The following CTNNA2 variants were observed in gnomAD, a reference collection of about 807,000 sequenced individuals.
CTNNA2 encodes the protein catenin alpha-2.
CTNNA2 carries 42 observed loss-of-function variants against 101.0 expected under a neutral mutation model. The observed-to-expected ratio is 0.42, with a 90% CI of 0.32 to 0.54. CTNNA2 has a LOEUF of 0.54. CTNNA2 is among the 20% of genes least tolerant of loss of function. The pLI is 0.14. For synonymous variants in CTNNA2, 450 were observed against 456.4 expected (o/e 0.99, Z 0.18); for missense variants, 871 against 1,223.1 (o/e 0.71, Z 4.29).
chr2:79,445,928 A>AT (rs988156750), intron 4 of CTNNA2, among the ~76,000 whole-genome samples: 33 of 152,132 alleles, frequency 2.2e-4, no homozygotes, highest in Non-Finnish European at 3.7e-4. Flanking sequence ...TTTTCAAATA[A>AT]TTTTTTATTT....
chr2:80,274,311 G>T (rs555471095), intron 7 of CTNNA2, among the ~76,000 whole-genome samples: 1 of 152,136 alleles, frequency 6.6e-6, no homozygotes, highest in African/African-American at 2.4e-5. Flanking sequence ...GACTCTAGAA[G>T]TATTTGTTTA....
At chr2:80,181,810 A>G (rs929849679) in intron 7 of CTNNA2, among the ~76,000 whole-genome samples, 9 of 152,206 alleles carry the variant, frequency 5.9e-5, no homozygotes, top group Non-Finnish European at 1.2e-4. Flanking sequence ...TTTATTTTGC[A>G]TAACTGTCTA....
intron 9 of CTNNA2, among the ~76,000 whole-genome samples, chr2:80,528,185 TTTG>T (rs1282397446): frequency 5.3e-5 from 8 of 152,098 alleles, no homozygotes; most frequent in Non-Finnish European, 1.0e-4. Context: ...TAGCTGTATT[TTTG>T]TTGTTGTTGT....
chr2:80,523,999 G>A (rs1422666268), intron 9 of CTNNA2, among the ~76,000 whole-genome samples: 1 of 152,138 alleles, frequency 6.6e-6, no homozygotes, highest in Admixed American at 6.5e-5. Context: ...CATAGCATAA[G>A]ACTTTTTGCT....
At chr2:80,090,266 C>T (rs1362367158) in intron 7 of CTNNA2, among the ~76,000 whole-genome samples, 1 of 151,032 alleles carries the variant, frequency 6.6e-6, no homozygotes, top group Non-Finnish European at 1.5e-5. Flanking sequence ...AGTCTGTGTG[C>T]TTGTATGTAT....
At position 80,302,460 on chromosome 2, in the gene CTNNA2, G is replaced by A; in HGVS notation, c.1057-90751G>A. 1 of 1,614,144 alleles carries A rather than the reference G, an allele frequency of 6.2e-7. No homozygotes were observed. The highest frequency in any genetic ancestry group is 1.3e-5 in the African/African-American group (1 of 75,062). ...TGTCTGAGCTGCCTGAGGCTGGCTG[G>A]GAAACACTTCCAGGACACGTAGAGC... On this transcript the variant is annotated intron_variant, in intron 7 of 18. Transcript: ENST00000402739. The surrounding 1 kb of genome is among the most constrained non-coding windows in gnomAD (Gnocchi z 6.4).
chr2:79,422,954 T>C (rs1381907060), intron 4 of CTNNA2, among the ~76,000 whole-genome samples: 2 of 152,182 alleles, frequency 1.3e-5, no homozygotes, highest in African/African-American at 2.4e-5. Flanking sequence ...TATGTTCTCA[T>C]AGACTTCCAA....
At chr2:80,253,406 G>A (rs920264427) in intron 7 of CTNNA2, among the ~76,000 whole-genome samples, 3 of 152,106 alleles carry the variant, frequency 2.0e-5, no homozygotes, top group Non-Finnish European at 4.4e-5. Context: ...ACACAACTTT[G>A]TACCTGCATA....
intron 18 of CTNNA2, among the ~76,000 whole-genome samples, chr2:80,633,923 T>TGCAATTTGGCTGAA (rs1157562481): frequency 6.6e-6 from 1 of 152,190 alleles, no homozygotes; most frequent in East Asian, 1.9e-4. Context: ...AGATACGTAT[T>TGCAATTTGGCTGAA]GCAATTTGGC....
intron 2 of CTNNA2, among the ~76,000 whole-genome samples, chr2:79,288,108 G>A (rs747713302): frequency 7.2e-5 from 11 of 152,108 alleles, no homozygotes; most frequent in East Asian, 1.9e-4. Flanking sequence ...GCTTCACCTC[G>A]CGCATGGTGC....
At chr2:79,539,323 C>T (rs141184127) in intron 1 of CTNNA2, among the ~76,000 whole-genome samples, 167 of 152,186 alleles carry the variant, frequency 1.1e-3, no homozygotes, top group African/African-American at 3.7e-3. Flanking sequence ...ACATCAAGAG[C>T]GTGTTTAGAA....
At chr2:79,596,184 A>G (rs1677176591) in intron 1 of CTNNA2, among the ~76,000 whole-genome samples, 2 of 151,970 alleles carry the variant, frequency 1.3e-5, no homozygotes, top group South Asian at 2.1e-4. Context: ...GGCTCTATGC[A>G]TTCCTATATT....
intron 7 of CTNNA2, among the ~76,000 whole-genome samples, chr2:79,913,498 G>C (rs1158842765): frequency 2.0e-5 from 3 of 152,120 alleles, no homozygotes; most frequent in Non-Finnish European, 2.9e-5. Flanking sequence ...AATGGAATGA[G>C]AGGCCATTGC....
Position 79,330,902 on chromosome 2 carries a change from A to G in CTNNA2, c.-318+18106A>G, listed in dbSNP as rs148815537. Among the ~76,000 whole-genome samples, 202 of 152,334 alleles carry G rather than the reference A, an allele frequency of 1.3e-3. 2 individuals carry two copies. The highest frequency in any genetic ancestry group is 4.5e-3 in the African/African-American group (187 of 41,588). ...ATGTCTTTATTAACATTGTGAGAAC[A>G]GATTAATACACTGAGCTAAACAATT... On this transcript the variant is annotated intron_variant, in intron 3 of 21. Coordinates refer to the CTNNA2 transcript ENST00000466387.
chr2:80,062,993 CCGCGCCCGGCCAAAG>C (rs1697715029), intron 7 of CTNNA2, among the ~76,000 whole-genome samples: 1 of 152,210 alleles, frequency 6.6e-6, no homozygotes, highest in Admixed American at 6.5e-5. Flanking sequence ...GCGTGAGCCA[CCGCGCCCGGCCAAAG>C]CACTGTGGCC....
chr2:80,149,309 G>T (rs1367340723), intron 7 of CTNNA2, among the ~76,000 whole-genome samples: 3 of 152,082 alleles, frequency 2.0e-5, no homozygotes, highest in African/African-American at 2.4e-5. Context: ...AAAGTTCTGG[G>T]ATGACTTATA....
intron 7 of CTNNA2, among the ~76,000 whole-genome samples, chr2:80,220,346 A>C (rs1234786520): frequency 3.3e-5 from 5 of 152,242 alleles, no homozygotes; most frequent in East Asian, 1.9e-4. Context: ...TAGAAGACTC[A>C]TCAGCTTTTA....
At chr2:80,149,407 A>C (rs756095408) in intron 7 of CTNNA2, among the ~76,000 whole-genome samples, 1 of 152,306 alleles carries the variant, frequency 6.6e-6, no homozygotes, top group South Asian at 2.1e-4. Context: ...ATATTTCTCT[A>C]TAGATGGACA....
At chr2:79,874,528 T>G (rs1245297300) in intron 6 of CTNNA2, among the ~76,000 whole-genome samples, 186 bp downstream of exon 6, 1 of 152,202 alleles carries the variant, frequency 6.6e-6, no homozygotes, top group Non-Finnish European at 1.5e-5. Flanking sequence ...CACTTGTCTT[T>G]AAAGAAACAA....
Sources: gnomAD v4.1 joint callset for allele counts (sites outside exome capture counted in the v4.1 genomes callset) on GRCh38, gnomAD v4.1.1 for gene constraint, Gnocchi (gnomAD v3.1) non-coding constraint, MANE v1.5 for transcripts, NCBI Gene and HGNC (gene_info 2026-07-23, HGNC 2026-07-21) for gene names.